Variants in DMD observed in about 807,000 individuals in gnomAD.
DMD encodes the protein dystrophin.
DMD carries 63 observed loss-of-function variants against 330.1 expected under a neutral mutation model. The observed-to-expected ratio is 0.19, with a 90% confidence interval of 0.16 to 0.24. The LOEUF (loss-of-function observed/expected upper bound fraction) is 0.24, where lower values mean the gene tolerates loss of function less well. DMD is among the 10% of genes least tolerant of loss of function. DMD has a pLI of 1.00. For synonymous variants in DMD, 1,223 were observed against 959.8 expected (o/e 1.27, Z -5.07); for missense variants, 3,344 against 2,684.1 (o/e 1.25, Z -5.43).
intron 44 of DMD, among the ~76,000 whole-genome samples, chrX:32,063,640 AAT>A (rs1297852471): frequency 9.0e-6 from 1 of 111,434 alleles, no homozygotes; most frequent in Non-Finnish European, 1.9e-5. Context: ...TATACTTATG[AAT>A]AGTTTATTAC....
chrX:31,579,811 A>C (rs2148021089), intron 55 of DMD, among the ~76,000 whole-genome samples: 1 of 112,361 alleles, frequency 8.9e-6, no homozygotes, highest in Non-Finnish European at 1.9e-5. Context: ...CTAAAACAAC[A>C]CAAATTGATT....
chrX:32,543,335 T>C (rs1204558488), intron 17 of DMD, among the ~76,000 whole-genome samples: 1 of 111,157 alleles, frequency 9.0e-6, no homozygotes, highest in Non-Finnish European at 1.9e-5. Flanking sequence ...ACACACTTTT[T>C]TTTTTTTTCC....
intron 45 of DMD, among the ~76,000 whole-genome samples, chrX:31,966,192 C>G (rs1186893876): frequency 1.8e-5 from 2 of 110,846 alleles, no homozygotes; most frequent in African/African-American, 6.5e-5. Flanking sequence ...TTGCGTTGCA[C>G]TGAGAGTACA....
At chrX:31,906,258 G>T (rs2094477914) in intron 47 of DMD, among the ~76,000 whole-genome samples, 1 of 112,053 alleles carries the variant, frequency 8.9e-6, no homozygotes, top group African/African-American at 3.2e-5. Flanking sequence ...CAGCCATGCT[G>T]AACTGTGAGT....
intron 78 of DMD, among the ~76,000 whole-genome samples, chrX:31,124,681 C>T (rs140304143): frequency 0.024 from 2,641 of 111,751 alleles, 41 homozygotes; most frequent in Non-Finnish European, 0.038. Flanking sequence ...ATGCCTTGAA[C>T]ATTAGGGCAG....
intron 42 of DMD, among the ~76,000 whole-genome samples, chrX:32,304,115 G>A (rs1309705785): frequency 9.0e-6 from 1 of 110,936 alleles, no homozygotes; most frequent in African/African-American, 3.3e-5. Context: ...CATAAATAAC[G>A]AATCAGTAAT....
chrX:32,204,984 C>T lies in DMD; in HGVS notation c.6438+11932G>A. ...TGATAAACATCCAAGCCATCTCTCT[C>T]TCTCTCTCTCTCTCTCTCTCTCACA... On this transcript the variant is annotated intron_variant, in intron 44 of 78. Coordinates refer to ENST00000357033, the MANE Select transcript of DMD (RefSeq NM_004006.3). Among the ~76,000 whole-genome samples, 3 of 44,938 alleles carry T rather than the reference C, an allele frequency of 6.7e-5. No homozygotes were observed. The South Asian group carries it at 4.2e-3, about 63-fold the overall frequency. 39.0% of individuals were successfully genotyped at this position (44,938 alleles called of 115,157 possible).
rs183170921 is a variant in DMD at position 31,876,895 on chromosome X, A to C, written c.6913-1522T>G. Among the ~76,000 whole-genome samples the C allele has an allele frequency of 5.4e-5, 6 of 111,145 alleles. No homozygotes were observed. In the East Asian group the frequency reaches 1.7e-3, roughly 31 times the overall value. On this transcript the variant is annotated intron_variant, in intron 47 of 78. Coordinates refer to ENST00000357033, the MANE Select transcript of DMD (RefSeq NM_004006.3). The stretch of plus-strand genomic sequence containing the variant: ...AAAATATTACACTGCAATATGAATA[A>C]AATTTTATAATATACATCTGTTCCA...
chrX:32,632,506 C>A (rs1316264563), intron 11 of DMD, among the ~76,000 whole-genome samples: 2 of 112,489 alleles, frequency 1.8e-5, no homozygotes, highest in African/African-American at 6.5e-5. Flanking sequence ...CTGCATTGCC[C>A]CAGGAGAAGT....
chrX:31,515,511 A>C (rs969113401), intron 55 of DMD, among the ~76,000 whole-genome samples: 1 of 110,149 alleles, frequency 9.1e-6, no homozygotes, highest in Non-Finnish European at 1.9e-5. Context: ...CTCCTTACTG[A>C]TAATTTTTAT....
intron 9 of DMD, among the ~76,000 whole-genome samples, chrX:32,692,306 A>G (rs1446145433): frequency 8.9e-6 from 1 of 112,161 alleles, no homozygotes; most frequent in Non-Finnish European, 1.9e-5. Flanking sequence ...TATAGAGTTG[A>G]GCTAAAACCT....
chrX:33,318,493 G>T, intron 1 of DMD, among the ~76,000 whole-genome samples: 1 of 106,385 alleles, frequency 9.4e-6, no homozygotes, highest in Non-Finnish European at 1.9e-5. Flanking sequence ...TGTCACCCAG[G>T]GTGAAGTGCA....
chrX:32,004,788 A>G (rs2095650000), intron 44 of DMD, among the ~76,000 whole-genome samples: 1 of 111,634 alleles, frequency 9.0e-6, no homozygotes, highest in African/African-American at 3.2e-5. Context: ...ATCTTTAATC[A>G]TTATGAAAAA....
chrX:32,532,088 T>C (rs775696389), intron 17 of DMD, among the ~76,000 whole-genome samples: 92 of 111,624 alleles, frequency 8.2e-4, no homozygotes, highest in African/African-American at 3.0e-3. Flanking sequence ...AGTTACTACT[T>C]ATTATATAAT....
intron 63 of DMD, among the ~76,000 whole-genome samples, chrX:31,228,275 TAAAA>T (rs779738772): frequency 1.2e-5 from 1 of 83,998 alleles, no homozygotes; most frequent in Non-Finnish European, 2.4e-5. Flanking sequence ...AATAAAAAAA[TAAAA>T]AAAAAAAAAA....
At chrX:33,107,309 T>TGCCC (rs2095297756) in intron 1 of DMD, among the ~76,000 whole-genome samples, 1 of 22,214 alleles carries the variant, frequency 4.5e-5, no homozygotes, top group Non-Finnish European at 1.1e-4. Flanking sequence ...CGAAGCTCTG[T>TGCCC]CCCCCCCCCC....
At chrX:32,901,003 A>G (rs1257204605) in intron 2 of DMD, among the ~76,000 whole-genome samples, 1 of 111,364 alleles carries the variant, frequency 9.0e-6, no homozygotes, top group Non-Finnish European at 1.9e-5. Context: ...TACTCTTCCA[A>G]TAACTCCAAA....
chrX:31,903,034 C>G (rs2094441320), intron 47 of DMD, among the ~76,000 whole-genome samples: 1 of 111,262 alleles, frequency 9.0e-6, no homozygotes, highest in African/African-American at 3.3e-5. Context: ...CATTGTTTAT[C>G]TAGAACAATG....
At chrX:31,765,625 T>A (rs1019143669) in intron 51 of DMD, among the ~76,000 whole-genome samples, 1 of 112,089 alleles carries the variant, frequency 8.9e-6, no homozygotes, top group Non-Finnish European at 1.9e-5. Flanking sequence ...TATTAAAATA[T>A]CTACTTAATG....
Sources: allele counts gnomAD v4.1 joint callset (sites outside exome capture counted in the v4.1 genomes callset), GRCh38; gene constraint gnomAD v4.1.1; transcripts MANE v1.5; gene names NCBI Gene and HGNC (gene_info 2026-07-23, HGNC 2026-07-21).